Variants in DGKB observed in about 807,000 individuals in gnomAD.
DGKB encodes diacylglycerol kinase beta.
In DGKB, 67 loss-of-function variants were observed where a neutral mutation model predicts 114.3. That is an observed-to-expected ratio of 0.59 (90% confidence interval 0.48 to 0.72). DGKB has a LOEUF of 0.72. Ranked by LOEUF, DGKB falls within the 30% of genes least tolerant of loss-of-function variation. The probability of loss-of-function intolerance (pLI) is 0.00; values close to 1 mark genes in which losing one functional copy is unlikely to be tolerated. For missense variants in DGKB, 907 were observed against 975.2 expected (o/e 0.93, Z 0.93); for synonymous variants, 398 against 323.1 (o/e 1.23, Z -2.49).
chr7:14,611,648 C>A (rs763356442), intron 16 of DGKB, among the ~76,000 whole-genome samples: 13 of 151,762 alleles, frequency 8.6e-5, no homozygotes, highest in South Asian at 2.1e-4. Context: ...TAGAAGAGCT[C>A]GAAGTTGAAG....
chr7:14,343,198 C>CACACACAA (rs1320061315), intron 22 of DGKB, among the ~76,000 whole-genome samples: 3 of 149,066 alleles, frequency 2.0e-5, no homozygotes, highest in Non-Finnish European at 4.5e-5. Flanking sequence ...CACACACACA[C>CACACACAA]AACAAGATAT....
At chr7:14,550,115 G>A (rs1794899284) in intron 20 of DGKB, among the ~76,000 whole-genome samples, 1 of 151,944 alleles carries the variant, frequency 6.6e-6, no homozygotes, top group Non-Finnish European at 1.5e-5. Context: ...GGGGTTTTAA[G>A]TATTACAGAT....
chr7:14,579,056 C>G (rs1158155972), intron 19 of DGKB, among the ~76,000 whole-genome samples: 1 of 152,148 alleles, frequency 6.6e-6, no homozygotes, highest in South Asian at 2.1e-4. Flanking sequence ...TTAATGTTAC[C>G]TCCTCAGAGA....
At position 14,856,783 on chromosome 7, in the gene DGKB, C is replaced by T. The variant is rs181535180; in HGVS notation, c.-187-15333G>A. Among the ~76,000 whole-genome samples the T allele has an allele frequency of 2.5e-3, 387 of 152,152 alleles. 2 individuals carry two copies. Among genetic ancestry groups the T allele is most frequent in the African/African-American group, 9.2e-3 (381 of 41,514 alleles). On this transcript the variant is annotated intron_variant, in intron 1 of 25. Transcript: ENST00000402815. ...AACATACCCACACTTCTCTTGGACA[C>T]ATTATTATGCATTGTATTACTGGGT...
chr7:14,475,349 G>T (rs1477687049), intron 21 of DGKB, among the ~76,000 whole-genome samples: 2 of 152,138 alleles, frequency 1.3e-5, no homozygotes, highest in Non-Finnish European at 2.9e-5. Context: ...GGTACAATAT[G>T]TCTTCCTCAC....
chr7:14,423,276 T>C (rs1463399691), intron 21 of DGKB, among the ~76,000 whole-genome samples: 2 of 152,034 alleles, frequency 1.3e-5, no homozygotes, highest in African/African-American at 2.4e-5. Flanking sequence ...ACTTACTACA[T>C]ACCTTGCTAT....
At chr7:14,593,951 T>C (rs2128750060) in intron 17 of DGKB, among the ~76,000 whole-genome samples, 2 of 152,180 alleles carry the variant, frequency 1.3e-5, no homozygotes, top group East Asian at 3.9e-4. Context: ...AAATGACCAA[T>C]CTGCCTTTCA....
intron 21 of DGKB, among the ~76,000 whole-genome samples, chr7:14,395,017 A>G (rs1198059322): frequency 1.3e-5 from 2 of 152,132 alleles, no homozygotes; most frequent in Non-Finnish European, 2.9e-5. Context: ...AGGAACTAAC[A>G]ACAAGGAAAC....
At chr7:14,775,422 A>G (rs993523713) in intron 2 of DGKB, among the ~76,000 whole-genome samples, 3 of 150,058 alleles carry the variant, frequency 2.0e-5, no homozygotes, top group African/African-American at 7.3e-5. Flanking sequence ...CTTGAATTAT[A>G]TTAGGTTGGT....
chr7:14,316,380 C>A (rs1177547451), intron 23 of DGKB, among the ~76,000 whole-genome samples: 1 of 130,804 alleles, frequency 7.6e-6, no homozygotes, highest in Non-Finnish European at 1.6e-5. Flanking sequence ...AATTGATAGA[C>A]CGCTAGCAAG....
chr7:14,774,959 A>G (rs1013391996), intron 2 of DGKB, among the ~76,000 whole-genome samples: 2 of 152,014 alleles, frequency 1.3e-5, no homozygotes, highest in African/African-American at 4.8e-5. Flanking sequence ...ATTTTTTATG[A>G]TTGTGTAATT....
rs566098263 is a variant in DGKB, at chr7:14,170,060, G to T, written c.2304+6779C>A. Among the ~76,000 whole-genome samples, 6 of 149,630 alleles carry T rather than the reference G, an allele frequency of 4.0e-5. No individual in the cohort carries two copies. In the East Asian group the frequency reaches 1.2e-3, roughly 30 times the overall value. ...GAGGCAGGAGAATCGCTTGAACCCA[G>T]GAGGTGGATGTTGCGGTGAGCCGAG... On this transcript the variant is annotated intron_variant, in intron 25 of 25. Coordinates refer to ENST00000402815, the MANE Select transcript of DGKB (RefSeq NM_001350709.2).
At chr7:14,379,962 C>T (rs1819177332) in intron 21 of DGKB, among the ~76,000 whole-genome samples, 1 of 151,426 alleles carries the variant, frequency 6.6e-6, no homozygotes, top group South Asian at 2.1e-4. Flanking sequence ...TACAATAATT[C>T]CTCTTCTAAA....
intron 20 of DGKB, among the ~76,000 whole-genome samples, chr7:14,511,518 G>T (rs1787976579): frequency 6.6e-6 from 1 of 152,160 alleles, no homozygotes; most frequent in Non-Finnish European, 1.5e-5. Flanking sequence ...TAGCTAGTTT[G>T]ATCTTCTGTC....
chr7:14,175,693 G>C (rs1440165065), intron 25 of DGKB, among the ~76,000 whole-genome samples: 2 of 152,102 alleles, frequency 1.3e-5, no homozygotes, highest in East Asian at 1.9e-4. Context: ...TCAAAATTTA[G>C]CTCTTTACCG....
intron 17 of DGKB, among the ~76,000 whole-genome samples, chr7:14,591,246 T>C (rs1457823034): frequency 1.3e-5 from 2 of 152,242 alleles, no homozygotes; most frequent in East Asian, 3.9e-4. Context: ...GGGGAAACTT[T>C]TGTACTGCGT....
At chr7:14,501,946 G>C (rs1452173972) in intron 20 of DGKB, among the ~76,000 whole-genome samples, 9 of 151,856 alleles carry the variant, frequency 5.9e-5, no homozygotes, top group Non-Finnish European at 2.9e-5. Context: ...GTTTTTGAGG[G>C]TCTTGGAAGA....
At chr7:14,537,506 G>A (rs1792702285) in intron 20 of DGKB, among the ~76,000 whole-genome samples, 1 of 152,138 alleles carries the variant, frequency 6.6e-6, no homozygotes, top group South Asian at 2.1e-4. Flanking sequence ...ACTGATATTT[G>A]ATGAAGATGC....
In DGKB at chr7:14,935,312, T is replaced by A. The variant is rs191762873; in HGVS notation, c.-188+39384A>T. On this transcript the variant is annotated intron_variant, in intron 1 of 4. Transcript: ENST00000437998. Reference sequence around the variant, plus strand: ...CAACAGCAAGATGAACTCTTTGAGTTTTGATTGAATTACAAGAGTTTCGCC... The same window carrying A: ...CAACAGCAAGATGAACTCTTTGAGTATTGATTGAATTACAAGAGTTTCGCC... 5.0e-3 allele frequency among the ~76,000 whole-genome samples: 765 copies of A among 152,290 alleles called. 4 individuals carry two copies. Among genetic ancestry groups the A allele is most frequent in the Non-Finnish European group, 7.8e-3 (531 of 68,018 alleles).
Sources: allele counts gnomAD v4.1 joint callset (sites outside exome capture counted in the v4.1 genomes callset), GRCh38; gene constraint gnomAD v4.1.1; transcripts MANE v1.5; gene names NCBI Gene and HGNC (gene_info 2026-07-23, HGNC 2026-07-21).